The following PXDNL variants were observed in gnomAD, a reference collection of about 807,000 sequenced individuals.
The protein encoded by PXDNL is peroxidasin like, also known as probable oxidoreductase PXDNL.
Under a neutral mutation model 150.8 loss-of-function variants are expected in PXDNL, and 145 were observed. The ratio of observed to expected loss-of-function variants is 0.96; its 90% CI spans 0.84 to 1.10. The LOEUF (loss-of-function observed/expected upper bound fraction) is 1.10. Ranked by LOEUF, PXDNL falls within the 50% of genes least tolerant of loss-of-function variation. The pLI, the probability that PXDNL is intolerant of heterozygous loss-of-function variation, is 0.00. For missense variants in PXDNL, 2,087 were observed against 1,873.9 expected, an observed-to-expected ratio of 1.11 and a Z score of -2.10; for synonymous variants, 757 against 725.7, an observed-to-expected ratio of 1.04 and a Z score of -0.69.
At chr8:51,599,518 A>T (rs141537689) in intron 2 of PXDNL, among the ~76,000 whole-genome samples, 1,723 of 151,024 alleles carry the variant, frequency 0.011, 13 homozygotes, top group South Asian at 0.026. Context: ...TGTAAGGGTG[A>T]GGTTTTGAGA....
chr8:51,418,707 C>A (rs752111615), intron 14 of PXDNL, among the ~76,000 whole-genome samples: 1 of 152,156 alleles, frequency 6.6e-6, no homozygotes. Context: ...TAGGTTATTT[C>A]ATTAACTTCA....
At chr8:51,620,485 A>G (rs1050534242) in intron 2 of PXDNL, among the ~76,000 whole-genome samples, 3 of 151,870 alleles carry the variant, frequency 2.0e-5, no homozygotes, top group African/African-American at 7.3e-5. Context: ...ATAAAAGCCA[A>G]TTTCATTGTG....
chr8:51,525,793 C>A (rs966275217), intron 4 of PXDNL, among the ~76,000 whole-genome samples: 1 of 152,170 alleles, frequency 6.6e-6, no homozygotes, highest in Admixed American at 6.5e-5. Flanking sequence ...GGCAAGCAGA[C>A]AGCAGGACCA....
intron 1 of PXDNL, among the ~76,000 whole-genome samples, chr8:51,769,834 T>C (rs1445711630): frequency 3.9e-5 from 6 of 152,208 alleles, no homozygotes. Flanking sequence ...TAGGTCACCA[T>C]GGAAATGTTT....
At chr8:51,351,555 G>T (rs1296863065) in intron 19 of PXDNL, among the ~76,000 whole-genome samples, 1 of 152,236 alleles carries the variant, frequency 6.6e-6, no homozygotes, top group Admixed American at 6.5e-5. Context: ...AGCCTCTGGA[G>T]TGGGGAGACA....
At chr8:51,608,386 C>CAAAAAAAAA (rs760838357) in intron 2 of PXDNL, among the ~76,000 whole-genome samples, 2 of 75,410 alleles carry the variant, frequency 2.7e-5, no homozygotes, top group Non-Finnish European at 2.8e-5. Flanking sequence ...GAGACTCCGT[C>CAAAAAAAAA]AAAAAAAAAA....
intron 1 of PXDNL, among the ~76,000 whole-genome samples, chr8:51,800,635 A>G (rs1164497505): frequency 1.3e-5 from 2 of 152,262 alleles, no homozygotes; most frequent in Non-Finnish European, 2.9e-5. Flanking sequence ...TGAAGATTTC[A>G]TTTTAATATG....
At chr8:51,418,573 G>A (rs968038238) in intron 14 of PXDNL, among the ~76,000 whole-genome samples, 4 of 152,144 alleles carry the variant, frequency 2.6e-5, no homozygotes, top group Admixed American at 2.0e-4. Context: ...CAGAGTTTTG[G>A]AAAATAACTA....
At chr8:51,338,657 G>A (rs1805903294) in intron 21 of PXDNL, among the ~76,000 whole-genome samples, 1 of 152,226 alleles carries the variant, frequency 6.6e-6, no homozygotes, top group Admixed American at 6.5e-5. Flanking sequence ...GAAGCAGACA[G>A]CTTGGCACCA....
chr8:51,702,728 T>C (rs574119860), intron 1 of PXDNL, among the ~76,000 whole-genome samples: 1 of 152,304 alleles, frequency 6.6e-6, no homozygotes, highest in African/African-American at 2.4e-5. Context: ...CAAGAATCAA[T>C]GTGAATTGTT....
intron 4 of PXDNL, among the ~76,000 whole-genome samples, chr8:51,528,610 G>C (rs1811815287): frequency 6.6e-6 from 1 of 152,148 alleles, no homozygotes; most frequent in Admixed American, 6.5e-5. Flanking sequence ...GATTATCTTG[G>C]ATTATCTGGG....
At chr8:51,732,583 A>T (rs1049444498) in intron 1 of PXDNL, among the ~76,000 whole-genome samples, 3 of 152,044 alleles carry the variant, frequency 2.0e-5, no homozygotes, top group Non-Finnish European at 2.9e-5. Context: ...GTACCAATTT[A>T]CTGTATTAGT....
intron 1 of PXDNL, among the ~76,000 whole-genome samples, chr8:51,779,365 A>C (rs2037388198): frequency 6.6e-6 from 1 of 152,190 alleles, no homozygotes; most frequent in Non-Finnish European, 1.5e-5. Flanking sequence ...AGGGTATCTG[A>C]GTGAGAACTG....
intron 9 of PXDNL, among the ~76,000 whole-genome samples, chr8:51,456,788 A>G (rs148780723): frequency 4.7e-4 from 72 of 152,308 alleles, no homozygotes; most frequent in African/African-American, 1.6e-3. Flanking sequence ...GAGATTATTT[A>G]TAGAACAGAT....
chr8:51,444,219 C>T (rs1195900283), intron 12 of PXDNL, among the ~76,000 whole-genome samples: 1 of 152,160 alleles, frequency 6.6e-6, no homozygotes, highest in Non-Finnish European at 1.5e-5. Context: ...TGTCTTGGTT[C>T]AGGCTGAGGC....
chr8:51,637,642 G>A (rs1160692500), intron 2 of PXDNL, among the ~76,000 whole-genome samples: 2 of 152,116 alleles, frequency 1.3e-5, no homozygotes, highest in African/African-American at 4.8e-5. Flanking sequence ...GAAAAGAGAA[G>A]TTTAGAGAAA....
intron 1 of PXDNL, among the ~76,000 whole-genome samples, chr8:51,807,479 T>C (rs931940528): frequency 1.3e-5 from 2 of 152,098 alleles, no homozygotes; most frequent in Non-Finnish European, 2.9e-5. Context: ...GAACATGAGA[T>C]TTGGGTGGGG....
At chr8:51,402,213 G>C (rs542789366) in intron 17 of PXDNL, among the ~76,000 whole-genome samples, 11 of 152,190 alleles carry the variant, frequency 7.2e-5, no homozygotes, top group African/African-American at 2.7e-4. Context: ...CTTAATTGGT[G>C]AAATATGAGC....
intron 2 of PXDNL, among the ~76,000 whole-genome samples, chr8:51,618,957 G>A (rs542776846): frequency 6.6e-6 from 1 of 152,306 alleles, no homozygotes; most frequent in Non-Finnish European, 1.5e-5. Flanking sequence ...ATTTCAAGAA[G>A]TATTTCTAGA....
Sources: allele counts gnomAD v4.1 joint callset (sites outside exome capture counted in the v4.1 genomes callset), GRCh38; gene constraint gnomAD v4.1.1; transcripts MANE v1.5; gene names NCBI Gene and HGNC (gene_info 2026-07-23, HGNC 2026-07-21).